The following BRINP1 variants were observed in gnomAD, a reference collection of about 807,000 sequenced individuals.
BRINP1 encodes the protein BMP/retinoic acid-inducible neural-specific protein 1.
A neutral mutation model predicts 72.9 loss-of-function variants in BRINP1; 17 were observed. The observed-to-expected ratio is 0.23, with a 90% CI of 0.16 to 0.35. The LOEUF is 0.35. Ranked by LOEUF, BRINP1 falls within the 10% of genes least tolerant of loss-of-function variation. The pLI is 1.00. For missense variants in BRINP1, 850 were observed against 1,001.6 expected, an observed-to-expected ratio of 0.85 and a Z score of 2.04; for synonymous variants, 418 against 378.5, an observed-to-expected ratio of 1.10 and a Z score of -1.21.
intron 6 of BRINP1, among the ~76,000 whole-genome samples, chr9:119,210,359 T>A (rs1829910138): frequency 6.6e-6 from 1 of 152,236 alleles, no homozygotes; most frequent in South Asian, 2.1e-4. Context: ...TACTATGCAT[T>A]TATGCTTTCA....
intron 2 of BRINP1, among the ~76,000 whole-genome samples, chr9:119,261,904 C>G (rs921769628): frequency 1.3e-5 from 2 of 151,660 alleles, no homozygotes; most frequent in Non-Finnish European, 2.9e-5. Context: ...CTCTCTCTCT[C>G]TCTCCCTCCC....
intron 5 of BRINP1, among the ~76,000 whole-genome samples, chr9:119,219,646 T>TGAGA (rs57623423): frequency 0.016 from 2,042 of 125,750 alleles, 15 homozygotes; most frequent in Non-Finnish European, 0.018. Flanking sequence ...TACTGTTTAC[T>TGAGA]GAGAGAGAGA....
chr9:119,349,081 C>T (rs1391207723), intron 1 of BRINP1, among the ~76,000 whole-genome samples: 1 of 152,076 alleles, frequency 6.6e-6, no homozygotes, highest in African/African-American at 2.4e-5. Flanking sequence ...TCTTCCAAGG[C>T]CCCTCTCACA....
At chr9:119,242,327 A>G (rs1465015737) in intron 3 of BRINP1, 111 bp from the exon 4 acceptor site, 1 of 860,318 alleles carries the variant, frequency 1.2e-6, no homozygotes, top group East Asian at 2.6e-5. Context: ...AATGTGGCCC[A>G]TGTTTCCTTC....
chr9:119,335,091 G>A (rs1045142834), intron 1 of BRINP1, among the ~76,000 whole-genome samples: 1 of 152,158 alleles, frequency 6.6e-6, no homozygotes, highest in East Asian at 1.9e-4. Flanking sequence ...GACACAAACA[G>A]CCAGCTCAGG....
intron 7 of BRINP1, among the ~76,000 whole-genome samples, chr9:119,170,949 C>T (rs1448689890): frequency 3.5e-5 from 5 of 142,716 alleles, no homozygotes; most frequent in African/African-American, 1.4e-4. Flanking sequence ...TTTGTCACCA[C>T]CAGGCCTGCC....
intron 3 of BRINP1, among the ~76,000 whole-genome samples, chr9:119,244,186 G>A (rs1830288830): frequency 1.3e-5 from 2 of 152,150 alleles, no homozygotes; most frequent in Non-Finnish European, 2.9e-5. Flanking sequence ...AGGTTTTACA[G>A]GCCAAGGCTT....
At chr9:119,350,947 T>A (rs1274370342) in intron 1 of BRINP1, among the ~76,000 whole-genome samples, 1 of 151,574 alleles carries the variant, frequency 6.6e-6, no homozygotes, top group East Asian at 1.9e-4. Flanking sequence ...ATGTGCAGAA[T>A]GTGCAGGTTT....
chr9:119,266,441 CA>C (rs1365303476), intron 2 of BRINP1, among the ~76,000 whole-genome samples: 1 of 152,194 alleles, frequency 6.6e-6, no homozygotes, highest in Non-Finnish European at 1.5e-5. Flanking sequence ...TTATTTAATA[CA>C]ATGTGGAATG....
At chr9:119,243,594 G>A (rs1427445632) in intron 3 of BRINP1, among the ~76,000 whole-genome samples, 4 of 152,148 alleles carry the variant, frequency 2.6e-5, no homozygotes, top group East Asian at 3.9e-4. Flanking sequence ...GGGACAAATG[G>A]TATTTCTGGT....
At chr9:119,282,779 C>T in intron 2 of BRINP1, 1 of 984,532 alleles carries the variant, frequency 1.0e-6, no homozygotes, top group Non-Finnish European at 1.2e-6. Context: ...TAATTTTGCC[C>T]AGAAATAATG....
In BRINP1 at chr9:119,367,491, G is replaced by A. The variant is rs542543077; in HGVS notation, c.-51+1565C>T. 2.0e-4 allele frequency among the ~76,000 whole-genome samples: 31 copies of A among 152,020 alleles called. 1 individual carries two copies. In the South Asian group the frequency reaches 2.1e-3, roughly 10 times the overall value. On this transcript the variant is annotated intron_variant, in intron 1 of 7. Transcript: ENST00000265922. Reference sequence around the variant, plus strand: ...AAAACTCAGCATTTTTGCTGAGTAGGGCAAGCCTTTAAGAGGCAGCTGGGA... The same window carrying A: ...AAAACTCAGCATTTTTGCTGAGTAGAGCAAGCCTTTAAGAGGCAGCTGGGA...
chr9:119,241,919 G>T, intron 4 of BRINP1, 128 bp downstream of exon 4: 1 of 943,156 alleles, frequency 1.1e-6, no homozygotes, highest in Non-Finnish European at 1.6e-6. Flanking sequence ...AAAGCAGCTG[G>T]CAGAGGGCAT....
chr9:119,336,303 G>A (rs1411660882), intron 1 of BRINP1, among the ~76,000 whole-genome samples: 1 of 152,168 alleles, frequency 6.6e-6, no homozygotes, highest in Non-Finnish European at 1.5e-5. Flanking sequence ...GCCTCCTCCT[G>A]CATATGGTTT....
At chr9:119,341,575 T>C (rs1427679719) in intron 1 of BRINP1, among the ~76,000 whole-genome samples, 1 of 152,144 alleles carries the variant, frequency 6.6e-6, no homozygotes, top group East Asian at 1.9e-4. Flanking sequence ...AATAAACAAC[T>C]GACACTCTAC....
At chr9:119,218,168 G>T (rs559268224) in intron 5 of BRINP1, among the ~76,000 whole-genome samples, 2 of 151,150 alleles carry the variant, frequency 1.3e-5, no homozygotes, top group Admixed American at 6.6e-5. Context: ...CAAGCCCAGT[G>T]TAGGCTCCAG....
At chr9:119,213,067 C>T (rs557261888) in intron 6 of BRINP1, among the ~76,000 whole-genome samples, 9 of 152,304 alleles carry the variant, frequency 5.9e-5, no homozygotes, top group Non-Finnish European at 1.5e-5. Flanking sequence ...CTCCTAGGCC[C>T]TTTGTGCCTC....
intron 7 of BRINP1, among the ~76,000 whole-genome samples, chr9:119,208,472 T>A (rs1353608380): frequency 6.6e-6 from 1 of 152,020 alleles, no homozygotes; most frequent in Non-Finnish European, 1.5e-5. Context: ...CTCAATCAGG[T>A]GAATCAGACA....
At chr9:119,293,557 G>A (rs1830842551) in intron 2 of BRINP1, among the ~76,000 whole-genome samples, 1 of 152,262 alleles carries the variant, frequency 6.6e-6, no homozygotes, top group Non-Finnish European at 1.5e-5. Flanking sequence ...CACATCAGAA[G>A]ACTTAGATAG....
Sources: allele counts gnomAD v4.1 joint callset (sites outside exome capture counted in the v4.1 genomes callset), GRCh38; gene constraint gnomAD v4.1.1; transcripts MANE v1.5; gene names NCBI Gene and HGNC (gene_info 2026-07-23, HGNC 2026-07-21).